ZNRF3: variants seen among roughly 807,000 people sequenced by gnomAD.
The protein encoded by ZNRF3 is E3 ubiquitin-protein ligase ZNRF3.
A neutral mutation model predicts 72.5 loss-of-function variants in ZNRF3; 23 were observed. That is an observed-to-expected ratio of 0.32 (90% CI 0.23 to 0.45). ZNRF3 has a LOEUF of 0.45. Ranked by LOEUF, ZNRF3 falls within the 20% of genes least tolerant of loss-of-function variation. The pLI is 1.00. For missense variants in ZNRF3, 1,169 were observed against 1,272.1 expected (o/e 0.92, Z 1.23); for synonymous variants, 610 against 545.3 (o/e 1.12, Z -1.65).
chr22:29,034,794 A>G (rs1315981160), intron 2 of ZNRF3, among the ~76,000 whole-genome samples: 2 of 152,116 alleles, frequency 1.3e-5, no homozygotes, highest in East Asian at 3.8e-4. Flanking sequence ...TCAGAGAGGG[A>G]TCTGCCAGCA....
chr22:29,023,883 G>A (rs749605067), intron 2 of ZNRF3, among the ~76,000 whole-genome samples: 4 of 152,188 alleles, frequency 2.6e-5, no homozygotes, highest in South Asian at 4.2e-4. Flanking sequence ...AGCCAATGTC[G>A]GCATATTCTA....
intron 1 of ZNRF3, among the ~76,000 whole-genome samples, chr22:28,902,866 G>A (rs1045804220): frequency 7.2e-5 from 11 of 152,186 alleles, no homozygotes; most frequent in Admixed American, 5.2e-4. Context: ...TATACCTAAC[G>A]TTTATGTTGC....
In ZNRF3 at chr22:29,056,242, C is replaced by G. The variant is rs941216783; in HGVS notation, c.*2620C>G. On this transcript the variant is annotated 3_prime_UTR_variant, in exon 9 of 9. Coordinates refer to ENST00000544604, the MANE Select transcript of ZNRF3 (RefSeq NM_001206998.2). ...TCAGCCTCCCAAGTAGCTGGGATTA[C>G]AGGCATGCGCCACCACACCCAGCTA... The G allele has an allele frequency of 2.6e-5, 4 of 152,244 alleles. No individual in the cohort carries two copies. Among genetic ancestry groups the G allele is most frequent in the African/African-American group, 7.2e-5 (3 of 41,456 alleles). The allele number at this position is 152,244 out of a possible 1,614,324, so 9.4% of individuals were successfully genotyped here.
intron 2 of ZNRF3, among the ~76,000 whole-genome samples, chr22:29,008,611 A>G (rs1186893196): frequency 1.3e-5 from 2 of 152,180 alleles, no homozygotes; most frequent in Middle Eastern, 3.2e-3. Context: ...GTTTTCCTTA[A>G]TAGGGAGAGG....
At chr22:28,946,345 A>T (rs891060376) in intron 1 of ZNRF3, among the ~76,000 whole-genome samples, 6 of 142,238 alleles carry the variant, frequency 4.2e-5, no homozygotes, top group African/African-American at 1.5e-4. Context: ...TTTTAAAATT[A>T]AAGCCCCCTT....
chr22:29,044,727 G>A (rs1217320999), intron 4 of ZNRF3, 53 bp from the exon 5 acceptor site: 14 of 1,293,852 alleles, frequency 1.1e-5, no homozygotes, highest in Admixed American at 3.4e-5. Flanking sequence ...CCCATGTGCC[G>A]CTTACCAGGC....
intron 2 of ZNRF3, among the ~76,000 whole-genome samples, chr22:28,995,450 A>G (rs1332211342): frequency 6.6e-6 from 1 of 152,166 alleles, no homozygotes; most frequent in Non-Finnish European, 1.5e-5. Context: ...AGAAATCCAA[A>G]GATGTTTGAA....
intron 2 of ZNRF3, among the ~76,000 whole-genome samples, chr22:28,992,176 C>A (rs866263309): frequency 8.2e-5 from 12 of 146,526 alleles, no homozygotes; most frequent in Middle Eastern, 7.0e-3. Flanking sequence ...CCCAACCCCC[C>A]GCCCCGGCCC....
intron 1 of ZNRF3, among the ~76,000 whole-genome samples, chr22:28,945,622 C>G (rs557547187): frequency 6.6e-6 from 1 of 151,616 alleles, no homozygotes; most frequent in Non-Finnish European, 1.5e-5. Flanking sequence ...CTCCACCTCT[C>G]GAGTTTAAGC....
intron 2 of ZNRF3, among the ~76,000 whole-genome samples, chr22:28,995,514 G>T (rs1237460297): frequency 6.6e-6 from 1 of 152,166 alleles, no homozygotes; most frequent in African/African-American, 2.4e-5. Flanking sequence ...GATGGAGTGT[G>T]GTTGGTACTT....
chr22:28,922,429 C>T (rs1007932927), intron 1 of ZNRF3, among the ~76,000 whole-genome samples: 3 of 152,108 alleles, frequency 2.0e-5, no homozygotes, highest in Non-Finnish European at 2.9e-5. Flanking sequence ...TACTTTTTTA[C>T]TTTGTTGTTC....
At chr22:28,979,058 ACT>A (rs139816777) in intron 1 of ZNRF3, among the ~76,000 whole-genome samples, 32 of 151,560 alleles carry the variant, frequency 2.1e-4, no homozygotes, top group African/African-American at 7.8e-4. Context: ...GAACTATAAA[ACT>A]CTCCTCAGTA....
At chr22:28,898,645 A>G (rs555763666) in intron 1 of ZNRF3, among the ~76,000 whole-genome samples, 63 of 152,368 alleles carry the variant, frequency 4.1e-4, no homozygotes, top group African/African-American at 1.4e-3. Context: ...ACAAATGTAT[A>G]TGAGTCTTTA....
Position 29,050,061 on chromosome 22 carries a change from C to T in ZNRF3, c.1880C>T (p.Ser627Phe), listed in dbSNP as rs746765538. ...GGACCTGCCCTGTGCTTCGAGGGCTCCCCGCCTCCCGAGGAGCTCCCGGCG... is the reference window on the plus strand; with the variant it reads ...GGACCTGCCCTGTGCTTCGAGGGCTTCCCGCCTCCCGAGGAGCTCCCGGCG... ...GRGPALCFEG[S>F]PPPEELPAVH... is the part of the protein sequence containing the mutation. Residue 627 changes from serine to phenylalanine, a missense_variant, in exon 8 of 9, where the codon TCC (serine) becomes TTC (phenylalanine). Ser to Phe is a radical substitution (Grantham distance 155). This residue lies in a region of ZNRF3 where 783 missense variants were observed against 731.4 expected (regional missense o/e 1.07). Coordinates refer to ENST00000544604, the MANE Select transcript of ZNRF3 (RefSeq NM_001206998.2). 1.9e-6 allele frequency: 3 copies of T among 1,607,314 alleles called. No individual in the cohort carries two copies. Among genetic ancestry groups the T allele is most frequent in the Non-Finnish European group, 2.5e-6 (3 of 1,177,354 alleles).
At chr22:29,033,171 G>A (rs901459833) in intron 2 of ZNRF3, among the ~76,000 whole-genome samples, 4 of 152,086 alleles carry the variant, frequency 2.6e-5, no homozygotes, top group Admixed American at 2.0e-4. Flanking sequence ...CCAACATGGC[G>A]AAACCCTGTC....
At chr22:28,989,375 G>T (rs552501774) in intron 2 of ZNRF3, among the ~76,000 whole-genome samples, 1 of 152,218 alleles carries the variant, frequency 6.6e-6, no homozygotes, top group Non-Finnish European at 1.5e-5. Context: ...CTCTCCTGCC[G>T]CCCCTCTTTC....
At chr22:28,929,944 A>G (rs2034675390) in intron 1 of ZNRF3, among the ~76,000 whole-genome samples, 1 of 152,214 alleles carries the variant, frequency 6.6e-6, no homozygotes, top group Admixed American at 6.5e-5. Context: ...CGTTTAAAAC[A>G]TTTCTCTCAG....
At chr22:28,887,769 C>T (rs1318025) in intron 1 of ZNRF3, among the ~76,000 whole-genome samples, 59,703 of 151,956 alleles carry the variant, frequency 0.39, 12,919 homozygotes, top group East Asian at 0.61. Context: ...TATATTGATA[C>T]ATATTTCATC....
In ZNRF3 at chr22:29,049,993, C is replaced by T; in HGVS notation, c.1812C>T (p.Pro604=). The T allele has an allele frequency of 6.2e-7, 1 of 1,612,276 alleles. No homozygotes were observed. Among genetic ancestry groups the T allele is most frequent in the Non-Finnish European group, 8.5e-7 (1 of 1,179,744 alleles). Residue 604 remains proline (P), a synonymous_variant, in exon 8 of 9, where the codon CCC becomes CCT. Transcript: ENST00000544604. This position sits in a 1 kb window ranked among gnomAD's most constrained non-coding sequence, Gnocchi z 5.2. The stretch of plus-strand genomic sequence containing the variant: ...CCTTCATCTACCGCAGCCGGAGCCC[C>T]TGTCGTGCCAGTGAGGCGGGGGGCT... ...YDPFIYRSRS[P]CRASEAGGSG...
Sources: allele counts gnomAD v4.1 joint callset (sites outside exome capture counted in the v4.1 genomes callset), GRCh38; gene constraint gnomAD v4.1.1; regional missense constraint gnomAD v4.1.1; non-coding constraint Gnocchi (gnomAD v3.1); transcripts MANE v1.5; gene names NCBI Gene and HGNC (gene_info 2026-07-23, HGNC 2026-07-21).